Variants in NPHS2 observed in about 807,000 individuals in gnomAD.
The protein encoded by NPHS2 is NPHS2 stomatin family member, podocin, also known as podocin.
Under a neutral mutation model 37.1 loss-of-function variants are expected in NPHS2, and 36 were observed. That is an observed-to-expected ratio of 0.97 (90% CI 0.74 to 1.28). NPHS2 has a LOEUF of 1.28. Ranked by LOEUF, NPHS2 falls within the 50% of genes most tolerant of loss-of-function variation. NPHS2 has a pLI of 0.00. For synonymous variants in NPHS2, 196 were observed against 189.3 expected (o/e 1.04, Z -0.29); for missense variants, 447 against 488.1 (o/e 0.92, Z 0.79).
chr1:179,561,698 G>C (rs1415482056), intron 2 of NPHS2, among the ~76,000 whole-genome samples: 1 of 152,078 alleles, frequency 6.6e-6, no homozygotes, highest in Non-Finnish European at 1.5e-5. Context: ...GCTTTTATAT[G>C]TATTGCTCAT....
intron 4 of NPHS2, among the ~76,000 whole-genome samples, 179 bp from the exon 5 acceptor site, chr1:179,557,409 A>G (rs536336716): frequency 6.6e-6 from 1 of 152,342 alleles, no homozygotes; most frequent in East Asian, 1.9e-4. Flanking sequence ...TAAATACACG[A>G]AAGAATGCAC....
intron 2 of NPHS2, among the ~76,000 whole-genome samples, chr1:179,563,328 G>GA (rs35191803): frequency 6.6e-6 from 1 of 151,888 alleles, no homozygotes; most frequent in Non-Finnish European, 1.5e-5. Context: ...AATACATGAG[G>GA]AAAAAGACAA....
chr1:179,565,301 G>T (rs1486949186), intron 1 of NPHS2, among the ~76,000 whole-genome samples: 1 of 151,940 alleles, frequency 6.6e-6, no homozygotes, highest in Non-Finnish European at 1.5e-5. Flanking sequence ...GAAAGGGAGT[G>T]GGGGTATACT....
At chr1:179,574,151 C>G (rs1204941084) in intron 1 of NPHS2, among the ~76,000 whole-genome samples, 1 of 152,132 alleles carries the variant, frequency 6.6e-6, no homozygotes, top group African/African-American at 2.4e-5. Context: ...AGGTCTCCTG[C>G]TTTTGTTACT....
At chr1:179,571,091 C>T (rs992742213) in intron 1 of NPHS2, among the ~76,000 whole-genome samples, 29 of 152,178 alleles carry the variant, frequency 1.9e-4, no homozygotes, top group African/African-American at 6.5e-4. Flanking sequence ...ATTCTCCATC[C>T]AGCTTTGTTT....
At chr1:179,569,294 A>C (rs1309191333) in intron 1 of NPHS2, among the ~76,000 whole-genome samples, 1 of 142,268 alleles carries the variant, frequency 7.0e-6, no homozygotes, top group Non-Finnish European at 1.5e-5. Context: ...TGATCCCTTT[A>C]CCATTATGTA....
chr1:179,557,158 G>A lies in NPHS2; in HGVS notation c.607C>T (p.Leu203Phe), dbSNP rs773074423. The stretch of plus-strand genomic sequence containing the variant: ...GATACATGAGCAAGACTGCTTAGGA[G>A]AAGAGAGGCATTTTCCATTCGGTAG... ...CYYRMENASL[L>F]LSSLAHVSKA... is the part of the protein sequence containing the mutation. Residue 203 changes from leucine to phenylalanine, a missense_variant, in exon 5 of 8, where the codon CTC becomes TTC. Coordinates refer to ENST00000367615, the MANE Select transcript of NPHS2 (RefSeq NM_014625.4). 5 of 1,614,038 alleles carry A rather than the reference G, an allele frequency of 3.1e-6. No individual in the cohort carries two copies. Among genetic ancestry groups the A allele is most frequent in the Non-Finnish European group, 4.2e-6 (5 of 1,179,954 alleles).
chr1:179,574,063 G>A (rs1337632982), intron 1 of NPHS2, among the ~76,000 whole-genome samples: 2 of 152,094 alleles, frequency 1.3e-5, no homozygotes, highest in African/African-American at 4.8e-5. Flanking sequence ...TCTGTTCCCC[G>A]TGAGCTTCAG....
chr1:179,551,996 G>A (rs913043560), intron 7 of NPHS2: 1 of 167,994 alleles, frequency 6.0e-6, no homozygotes, highest in African/African-American at 2.4e-5. Context: ...TACTGGTTCA[G>A]GTTTTTATCT....
At chr1:179,553,912 A>T (rs1419192478) in intron 6 of NPHS2, among the ~76,000 whole-genome samples, 3 of 131,872 alleles carry the variant, frequency 2.3e-5, no homozygotes, top group Non-Finnish European at 4.7e-5. Flanking sequence ...CCCCTGGCTA[A>T]TTTTTTTTTT....
intron 1 of NPHS2, among the ~76,000 whole-genome samples, chr1:179,573,406 C>A (rs879705091): frequency 1.8e-4 from 28 of 152,312 alleles, no homozygotes; most frequent in South Asian, 1.7e-3. Flanking sequence ...GAATACTAGG[C>A]ACTACATCCC....
rs771509247 is a variant in NPHS2 at position 179,555,535 on chromosome 1, G to A, written c.739-1004C>T. Among the ~76,000 whole-genome samples, 111 of 152,332 alleles carry A rather than the reference G, an allele frequency of 7.3e-4. No homozygotes were observed. The Middle Eastern group carries it at 0.01, about 14-fold the overall frequency. ...TTATTTTTTAGTGGTTAGACAAACA[G>A]TAAGCATAGTGCATTGAGAACCTTG... On this transcript the variant is annotated intron_variant, in intron 5 of 7. Coordinates refer to ENST00000367615, the MANE Select transcript of NPHS2 (RefSeq NM_014625.4).
intron 1 of NPHS2, among the ~76,000 whole-genome samples, chr1:179,574,581 C>T (rs1215678727): frequency 1.3e-5 from 2 of 152,162 alleles, no homozygotes; most frequent in Non-Finnish European, 2.9e-5. Context: ...CTGGGCAAAA[C>T]AGTATTAACG....
At chr1:179,562,606 G>C (rs1326354279) in intron 2 of NPHS2, among the ~76,000 whole-genome samples, 1 of 152,152 alleles carries the variant, frequency 6.6e-6, no homozygotes, top group Non-Finnish European at 1.5e-5. Flanking sequence ...TTTGAAATGT[G>C]CTTCTTAAAG....
Position 179,571,775 on chromosome 1 carries a change from G to A in NPHS2, c.274+3816C>T, listed in dbSNP as rs6668195. Among the ~76,000 whole-genome samples, 433 of 152,312 alleles carry A rather than the reference G, an allele frequency of 2.8e-3. 1 individual carries two copies. The highest frequency in any genetic ancestry group is 1.0e-2 in the African/African-American group (415 of 41,574). ...TTTACCTACTCAAGCCTCAGCAATG[G>A]TGGACACCCCACCCCCAGCGAGGCT... On this transcript the variant is annotated intron_variant, in intron 1 of 7. Transcript: ENST00000367615.
At chr1:179,551,712 G>A in intron 7 of NPHS2, 1 of 470,476 alleles carries the variant, frequency 2.1e-6, no homozygotes, top group Non-Finnish European at 3.8e-6. Context: ...GCATCTGGTG[G>A]GCCTTGAAAG....
chr1:179,552,763 C>T, intron 6 of NPHS2, 82 bp from the exon 7 acceptor site: 1 of 1,044,250 alleles, frequency 9.6e-7, no homozygotes, highest in Non-Finnish European at 1.5e-6. Flanking sequence ...GCAAGCCTCT[C>T]TACTGCTGTC....
chr1:179,575,457 C>G, intron 1 of NPHS2, 134 bp downstream of exon 1: 1 of 1,244,034 alleles, frequency 8.0e-7, no homozygotes, highest in Admixed American at 2.0e-5. Context: ...TACGCCCTTC[C>G]GTTCCTGGGA....
intron 1 of NPHS2, 137 bp from the exon 2 acceptor site, chr1:179,564,930 T>A: frequency 2.8e-6 from 2 of 722,392 alleles, no homozygotes; most frequent in South Asian, 3.3e-5. Context: ...ATAAGTCAAA[T>A]CAGAGTAGTC....
Sources: allele counts gnomAD v4.1 joint callset (sites outside exome capture counted in the v4.1 genomes callset), GRCh38; gene constraint gnomAD v4.1.1; transcripts MANE v1.5; gene names NCBI Gene and HGNC (gene_info 2026-07-23, HGNC 2026-07-21).